DUSP10: variants seen among roughly 807,000 people sequenced by gnomAD.
DUSP10 encodes the protein dual specificity protein phosphatase 10.
A neutral mutation model predicts 30.8 loss-of-function variants in DUSP10; 14 were observed. The observed-to-expected ratio is 0.46, with a 90% CI of 0.30 to 0.71. DUSP10 has a LOEUF of 0.71. Ranked by LOEUF, DUSP10 falls within the 30% of genes least tolerant of loss-of-function variation. The pLI is 0.08. For missense variants in DUSP10, 550 were observed against 619.4 expected (o/e 0.89, Z 1.19); for synonymous variants, 254 against 250.4 (o/e 1.01, Z -0.14).
chr1:221,708,337 G>A (rs1660827934), intron 2 of DUSP10, among the ~76,000 whole-genome samples: 1 of 152,158 alleles, frequency 6.6e-6, no homozygotes, highest in Non-Finnish European at 1.5e-5. Flanking sequence ...AACCACAGCG[G>A]GAAACTCCAG....
intron 2 of DUSP10, among the ~76,000 whole-genome samples, chr1:221,715,398 A>T (rs1661067963): frequency 6.6e-6 from 1 of 152,156 alleles, no homozygotes; most frequent in Admixed American, 6.5e-5. Flanking sequence ...TATAGAAAAG[A>T]GCTGGGGATT....
chr1:221,732,092 T>C (rs952996971), intron 2 of DUSP10, among the ~76,000 whole-genome samples: 1 of 152,212 alleles, frequency 6.6e-6, no homozygotes, highest in Admixed American at 6.5e-5. Context: ...CCATATATGT[T>C]GTCTTTCTTG....
chr1:221,720,826 T>C (rs1254096194), intron 2 of DUSP10, among the ~76,000 whole-genome samples: 4 of 152,222 alleles, frequency 2.6e-5, no homozygotes, highest in African/African-American at 9.6e-5. Context: ...CCCTTCCAAA[T>C]CTCTTTTATC....
intron 2 of DUSP10, among the ~76,000 whole-genome samples, chr1:221,721,487 T>A (rs1661276449): frequency 6.6e-6 from 1 of 152,172 alleles, no homozygotes; most frequent in Non-Finnish European, 1.5e-5. Flanking sequence ...ACTCGCCAGG[T>A]GAATTCAGCA....
chr1:221,735,860 C>A (rs982494234), intron 2 of DUSP10, among the ~76,000 whole-genome samples: 1 of 152,202 alleles, frequency 6.6e-6, no homozygotes, highest in Non-Finnish European at 1.5e-5. Flanking sequence ...AACTTTCTTA[C>A]TCAGTTTGAC....
In DUSP10 at chr1:221,739,451, G is replaced by T. The variant is rs770023650; in HGVS notation, c.294C>A (p.Ala98=). The change falls in exon 2 of 4, where the codon GCC becomes GCA. Residue 98 remains alanine, a synonymous_variant. Coordinates refer to ENST00000366899, the MANE Select transcript of DUSP10 (RefSeq NM_007207.6). ...CGATGGCAGTGGTGGTGGTGCCAGC[G>T]GCAATGGCTTGGGTTTGGGCCTGAT... ...KDNQAQTQAI[A]AGTTTTAIGT... is the part of the protein sequence containing the mutation. 1.2e-6 allele frequency: 2 copies of T among 1,614,068 alleles called. No individual in the cohort carries two copies. Among genetic ancestry groups the T allele is most frequent in the African/African-American group, 2.7e-5 (2 of 74,924 alleles).
intron 2 of DUSP10, among the ~76,000 whole-genome samples, chr1:221,715,471 C>T (rs750491650): frequency 6.6e-6 from 1 of 152,198 alleles, no homozygotes; most frequent in Non-Finnish European, 1.5e-5. Flanking sequence ...TTCCTACCCC[C>T]TGAAGGGAGG....
At chr1:221,731,427 C>A (rs1661586820) in intron 2 of DUSP10, among the ~76,000 whole-genome samples, 1 of 151,954 alleles carries the variant, frequency 6.6e-6, no homozygotes, top group Admixed American at 6.6e-5. Context: ...GTCCAAATTA[C>A]AAAGTTTCAC....
rs766677636 is a variant in DUSP10, at chr1:221,739,241, C to G, written c.504G>C (p.Pro168=). Reference sequence around the variant, plus strand: ...AGTCAATGATGACAGGGCCCTGACTCGGCAGGTGACTCTTGCTGCATTTGG... The same window carrying G: ...AGTCAATGATGACAGGGCCCTGACTGGGCAGGTGACTCTTGCTGCATTTGG... ...KMTKCSKSHL[P]SQGPVIIDCR... Residue 168 remains proline (P), a synonymous_variant, in exon 2 of 4, where the codon CCG becomes CCC. Transcript: ENST00000366899. 5.9e-5 allele frequency: 96 copies of G among 1,614,062 alleles called. No homozygotes were observed. The highest frequency in any genetic ancestry group is 1.0e-5 in the Non-Finnish European group (12 of 1,180,050).
chr1:221,734,573 T>C (rs946377606), intron 2 of DUSP10, among the ~76,000 whole-genome samples: 5 of 151,978 alleles, frequency 3.3e-5, no homozygotes, highest in African/African-American at 1.2e-4. Context: ...TTAATTCATT[T>C]ATTTCAGAAA....
intron 2 of DUSP10, among the ~76,000 whole-genome samples, chr1:221,734,463 C>A (rs1270276578): frequency 6.6e-6 from 1 of 152,196 alleles, no homozygotes; most frequent in Non-Finnish European, 1.5e-5. Flanking sequence ...TTTGTACTGG[C>A]ACTATCATTT....
intron 2 of DUSP10, chr1:221,737,293 C>T (rs1490913737): frequency 1.0e-6 from 1 of 985,264 alleles, no homozygotes; most frequent in African/African-American, 1.7e-5. Context: ...AAGAGGAGAT[C>T]ATCATGATCA....
At chr1:221,735,877 G>A (rs76339275) in intron 2 of DUSP10, among the ~76,000 whole-genome samples, 1,776 of 152,272 alleles carry the variant, frequency 0.012, 32 homozygotes, top group Middle Eastern at 0.037. Flanking sequence ...TGACTAGAAA[G>A]CAAGTTTTAG....
At chr1:221,722,388 G>GAC (rs1395201883) in intron 2 of DUSP10, among the ~76,000 whole-genome samples, 6 of 152,210 alleles carry the variant, frequency 3.9e-5, no homozygotes, top group Non-Finnish European at 8.8e-5. Flanking sequence ...CTGGGACTGA[G>GAC]ACTTCCACAG....
chr1:221,739,051 C>A lies in DUSP10; in HGVS notation c.694G>T (p.Glu232Ter). ...GTATTCTCATCATAAACTATAATTTCTTTGGAAAAGATCCTCTTGAAAGAG... is the reference window on the plus strand; with the variant it reads ...GTATTCTCATCATAAACTATAATTTATTTGGAAAAGATCCTCTTGAAAGAG... The part of the protein sequence containing the change: ...KDSFKRIFSK[E>*]IIVYDENTNE... Residue 232 changes from glutamate to a stop codon, truncating the protein, a stop_gained, in exon 2 of 4, where the codon GAA becomes TAA. Transcript: ENST00000366899. LOFTEE classifies it high-confidence loss of function. 3 of 1,614,210 alleles carry A rather than the reference C, an allele frequency of 1.9e-6. No homozygotes were observed. The highest frequency in any genetic ancestry group is 2.5e-6 in the Non-Finnish European group (3 of 1,180,034).
chr1:221,704,892 A>G (rs1211187250), intron 3 of DUSP10, among the ~76,000 whole-genome samples: 2 of 151,926 alleles, frequency 1.3e-5, no homozygotes, highest in Admixed American at 1.3e-4. Context: ...AATCCACCAG[A>G]CCCCACTGGC....
chr1:221,718,230 A>G (rs1022897240), intron 2 of DUSP10, among the ~76,000 whole-genome samples: 2 of 152,202 alleles, frequency 1.3e-5, no homozygotes, highest in African/African-American at 4.8e-5. Context: ...ATGCACGCAC[A>G]GAAGCCCACT....
Position 221,706,076 on chromosome 1 carries a change from C to G in DUSP10, c.1183+19G>C. The G allele has an allele frequency of 6.2e-7, 1 of 1,606,040 alleles. No homozygotes were observed. The highest frequency in any genetic ancestry group is 8.5e-7 in the Non-Finnish European group (1 of 1,175,028). On this transcript the variant is annotated intron_variant, in intron 3 of 3. Transcript: ENST00000366899. This position sits in a 1 kb window ranked among gnomAD's most constrained non-coding sequence, Gnocchi z 4.6. ...AAAAGGAAGGCAGCGGATGAAAATTCCCTATGGGAGATAGTTACCAATGAA... is the reference window on the plus strand; with the variant it reads ...AAAAGGAAGGCAGCGGATGAAAATTGCCTATGGGAGATAGTTACCAATGAA...
chr1:221,709,608 G>C (rs1660875882), intron 2 of DUSP10, among the ~76,000 whole-genome samples: 1 of 152,106 alleles, frequency 6.6e-6, no homozygotes, highest in African/African-American at 2.4e-5. Context: ...TTTTCCATAA[G>C]GCTTATGCAC....
Sources: allele counts gnomAD v4.1 joint callset (sites outside exome capture counted in the v4.1 genomes callset), GRCh38; gene constraint gnomAD v4.1.1; non-coding constraint Gnocchi (gnomAD v3.1); transcripts MANE v1.5; gene names NCBI Gene and HGNC (gene_info 2026-07-23, HGNC 2026-07-21).